Variants in TRIP12 observed in about 807,000 individuals in gnomAD.
TRIP12 encodes E3 ubiquitin-protein ligase TRIP12.
TRIP12 carries 25 observed loss-of-function variants against 244.2 expected under a neutral mutation model. The observed-to-expected ratio is 0.10, with a 90% CI of 0.07 to 0.14. The LOEUF (loss-of-function observed/expected upper bound fraction) is 0.14. Among genes scored for constraint, TRIP12 ranks in the 10% least tolerant of loss-of-function variants. The probability of loss-of-function intolerance (pLI) is 1.00; values close to 1 mark genes in which losing one functional copy is unlikely to be tolerated. For synonymous variants in TRIP12, 905 were observed against 873.1 expected (o/e 1.04, Z -0.64); for missense variants, 1,677 against 2,486.4 (o/e 0.67, Z 6.92).
chr2:229,767,628 A>T lies in TRIP12; in HGVS notation c.6130T>A (p.Ser2044Thr), dbSNP rs779019882. 1.9e-6 allele frequency: 3 copies of T among 1,614,190 alleles called. No homozygotes were observed. Among genetic ancestry groups the T allele is most frequent in the Middle Eastern group, 1.6e-4 (1 of 6,062 alleles). ...TTTTCACGCATTATCTCAATGCTTG[A>T]ATAGTCCGGCAACTTAAGATAGTTC... ...CVNYLKLPDY[S>T]SIEIMREKLL... The change falls in exon 42 of 42, where the codon TCA becomes ACA. Residue 2044 changes from serine to threonine, a missense_variant. Ser to Thr is a moderately conservative substitution (Grantham distance 58). Transcript: ENST00000675903.
intron 1 of TRIP12, among the ~76,000 whole-genome samples, chr2:229,884,041 G>A (rs2065422987): frequency 6.6e-6 from 1 of 151,402 alleles, no homozygotes; most frequent in African/African-American, 2.4e-5. Context: ...AACTCAGGGG[G>A]CAGAGGTTGC....
intron 39 of TRIP12, 130 bp from the exon 40 acceptor site, chr2:229,769,455 TC>T: frequency 1.9e-5 from 8 of 424,114 alleles, no homozygotes; most frequent in South Asian, 9.6e-5. Context: ...GGGACCTCTT[TC>T]CAAAAAAAAA....
chr2:229,874,152 C>T (rs1024868622), intron 2 of TRIP12, among the ~76,000 whole-genome samples: 1 of 151,796 alleles, frequency 6.6e-6, no homozygotes, highest in African/African-American at 2.4e-5. Flanking sequence ...AGACAAAAGA[C>T]GCTAACAAAC....
Position 229,819,246 on chromosome 2 carries a change from A to T in TRIP12, c.1451-734T>A, listed in dbSNP as rs73099289. On this transcript the variant is annotated intron_variant, in intron 8 of 41. Coordinates refer to ENST00000675903, the MANE Select transcript of TRIP12 (RefSeq NM_001348323.3). ...GTCATTAAGCTAAACAATACACTCC[A>T]AAATAAAGTCTAGAGAGGCTGGGTG... Among the ~76,000 whole-genome samples, 674 of 152,272 alleles carry T rather than the reference A, an allele frequency of 4.4e-3. 6 individuals are homozygous for T. Among genetic ancestry groups the T allele is most frequent in the African/African-American group, 0.016 (653 of 41,554 alleles).
In TRIP12 at chr2:229,859,385, C is replaced by T. The variant is rs1034710166; in HGVS notation, c.414G>A (p.Gln138=). The T allele has an allele frequency of 6.2e-7, 1 of 1,614,170 alleles. No individual in the cohort carries two copies. Among genetic ancestry groups the T allele is most frequent in the Non-Finnish European group, 8.5e-7 (1 of 1,180,036 alleles). Residue 138 remains glutamine (Q), a synonymous_variant, in exon 4 of 42, where the codon CAG becomes CAA. Coordinates refer to ENST00000675903, the MANE Select transcript of TRIP12 (RefSeq NM_001348323.3). ...TTGTTTCTGAGGGAGATTCAGTATG[C>T]TGAAGTGCTTTTGGTTTTTTTGCAG... The part of the protein sequence containing the change: ...PSSAKKPKAL[Q]HTESPSETNK...
rs2048214706 is a variant in TRIP12 at position 229,815,265 on chromosome 2, A to G, written c.1635+8T>C. The G allele has an allele frequency of 3.3e-6, 5 of 1,494,382 alleles. No homozygotes were observed. Among genetic ancestry groups the G allele is most frequent in the Non-Finnish European group, 4.6e-6 (5 of 1,078,142 alleles). The allele number at this position is 1,494,382 out of a possible 1,614,324, so 92.6% of individuals were successfully genotyped here. ...ATACACCATTAAAAAAATACAATAT[A>G]TACTTACAATATCAAAATTGTGCTC... On this transcript the variant is annotated splice_region_variant and intron_variant, in intron 10 of 41. Transcript: ENST00000675903.
At chr2:229,792,601 C>T (rs990073235) in intron 27 of TRIP12, among the ~76,000 whole-genome samples, 3 of 152,120 alleles carry the variant, frequency 2.0e-5, no homozygotes, top group Non-Finnish European at 4.4e-5. Flanking sequence ...GCGATGTTCA[C>T]GGCAACAATC....
chr2:229,910,160 AGATT>A (rs1224640803), intron 1 of TRIP12, among the ~76,000 whole-genome samples: 1 of 152,224 alleles, frequency 6.6e-6, no homozygotes, highest in Non-Finnish European at 1.5e-5. Flanking sequence ...AACTATAGAT[AGATT>A]AAGCCATTCC....
chr2:229,827,443 A>G (rs1388962429), intron 8 of TRIP12, among the ~76,000 whole-genome samples: 2 of 152,132 alleles, frequency 1.3e-5, no homozygotes, highest in Admixed American at 6.5e-5. Flanking sequence ...ATAGAGTATA[A>G]GCTTTTTCCT....
rs2037097225 is a variant in TRIP12, at chr2:229,778,688, G to A, written c.5210-101C>T. On this transcript the variant is annotated intron_variant, in intron 35 of 41. Transcript: ENST00000675903. The surrounding 1 kb of genome is among the most constrained non-coding windows in gnomAD (Gnocchi z 4.1). Reference sequence around the variant, plus strand: ...TAAGAAATTAAGCATTCTCAAAATTGGAGTGCAGATCACTGAATGAAGTCC... The same window carrying A: ...TAAGAAATTAAGCATTCTCAAAATTAGAGTGCAGATCACTGAATGAAGTCC... The A allele has an allele frequency of 4.7e-6, 7 of 1,501,466 alleles. No individual in the cohort carries two copies. Among genetic ancestry groups the A allele is most frequent in the Non-Finnish European group, 6.3e-6 (7 of 1,112,376 alleles). 93.0% of individuals were successfully genotyped at this position (1,501,466 alleles called of 1,614,324 possible). A position where few individuals can be genotyped will look rare whatever the true frequency, so the allele number is the denominator to read the frequency against.
intron 1 of TRIP12, among the ~76,000 whole-genome samples, chr2:229,882,309 A>G (rs1210987664): frequency 6.6e-6 from 1 of 152,232 alleles, no homozygotes; most frequent in African/African-American, 2.4e-5. Flanking sequence ...AGGCTTCACC[A>G]TAAAAATCAC....
intron 1 of TRIP12, among the ~76,000 whole-genome samples, chr2:229,887,855 T>C (rs2066392424): frequency 6.6e-6 from 1 of 152,208 alleles, no homozygotes; most frequent in South Asian, 2.1e-4. Context: ...TAATCAGGGG[T>C]TCAGACATTA....
intron 2 of TRIP12, among the ~76,000 whole-genome samples, chr2:229,872,127 A>G (rs1351606029): frequency 6.7e-6 from 1 of 148,346 alleles, no homozygotes; most frequent in African/African-American, 2.5e-5. Flanking sequence ...AAAAAAAAAA[A>G]AAAAAGAAGC....
Position 229,795,291 on chromosome 2 carries a change from C to T in TRIP12, c.3856G>A (p.Gly1286Ser), listed in dbSNP as rs759865228. 5 of 1,613,786 alleles carry T rather than the reference C, an allele frequency of 3.1e-6. No individual in the cohort carries two copies. Among genetic ancestry groups the T allele is most frequent in the Non-Finnish European group, 4.2e-6 (5 of 1,179,856 alleles). Reference protein sequence around the residue: ...EEPIGRVEPVGNAPLLALVHK... With the variant: ...EEPIGRVEPVSNAPLLALVHK... ...ACTAATGCCAACAAAGGTGCATTAC[C>T]CACTGGTTCCACTCTTCCAATGGGC... The change falls in exon 26 of 42, where the codon GGT becomes AGT. Residue 1286 changes from glycine to serine, a missense_variant. This residue lies in a region of TRIP12 where 77 missense variants were observed against 69.2 expected (regional missense o/e 1.11). Coordinates refer to ENST00000675903, the MANE Select transcript of TRIP12 (RefSeq NM_001348323.3).
chr2:229,881,129 G>A (rs2064778590), intron 1 of TRIP12, among the ~76,000 whole-genome samples: 1 of 152,148 alleles, frequency 6.6e-6, no homozygotes, highest in South Asian at 2.1e-4. Context: ...TTTAAAACCA[G>A]TACGTTACCT....
At position 229,795,315 on chromosome 2, in the gene TRIP12, G is replaced by C; in HGVS notation, c.3832C>G (p.Pro1278Ala). 6.2e-7 allele frequency: 1 copy of C among 1,612,754 alleles called. No individual in the cohort carries two copies. The highest frequency in any genetic ancestry group is 8.5e-7 in the Non-Finnish European group (1 of 1,179,336). Residue 1278 changes from proline to alanine, a missense_variant, in exon 26 of 42, where the codon CCC becomes GCC. Physicochemically the swap from Pro to Ala is conservative, Grantham distance 27. Around this residue, in one of 11 missense-constraint regions of TRIP12, gnomAD observed 77 missense variants for 69.2 expected, o/e 1.11. Coordinates refer to ENST00000675903, the MANE Select transcript of TRIP12 (RefSeq NM_001348323.3). ...CCCACTGGTTCCACTCTTCCAATGG[G>C]CTCTTCTCCAGGAAGCTAAAGTTAT... is the stretch of plus-strand genomic sequence containing the variant. The part of the protein sequence containing the change: ...FFSSPLPGEE[P>A]IGRVEPVGNA...
In TRIP12 at chr2:229,791,934, T is replaced by G. The variant is rs1324210839; in HGVS notation, c.4347A>C (p.Arg1449Ser). Residue 1449 changes from arginine (R) to serine (S), a missense_variant, in exon 29 of 42, where the codon AGA becomes AGC. This residue lies in a region of TRIP12 where 265 missense variants were observed against 370.8 expected (regional missense o/e 0.71). Transcript: ENST00000675903. ...GATTGCTCTCATCATCTGTGGATTC[T>G]CTTTCATCTTCAGCCTGTATACTAA... ...RQFSIQAEDE[R>S]ESTDDESNPL... The G allele has an allele frequency of 5.0e-6, 8 of 1,614,156 alleles. No homozygotes were observed. The highest frequency in any genetic ancestry group is 6.8e-6 in the Non-Finnish European group (8 of 1,179,992).
intron 40 of TRIP12, 34 bp downstream of exon 40, chr2:229,769,197 A>G: frequency 6.3e-7 from 1 of 1,589,288 alleles, no homozygotes. Context: ...ATTCTTCAGA[A>G]TCAACAGAAA....
At chr2:229,853,952 AT>A (rs966928438) in intron 4 of TRIP12, among the ~76,000 whole-genome samples, 13 of 152,130 alleles carry the variant, frequency 8.5e-5, no homozygotes, top group African/African-American at 3.1e-4. Context: ...TAATATTGAC[AT>A]TTTTGTTTTC....
Sources: gnomAD v4.1 joint callset for allele counts (sites outside exome capture counted in the v4.1 genomes callset) on GRCh38, gnomAD v4.1.1 for gene constraint, gnomAD v4.1.1 regional missense constraint, Gnocchi (gnomAD v3.1) non-coding constraint, MANE v1.5 for transcripts, NCBI Gene and HGNC (gene_info 2026-07-23, HGNC 2026-07-21) for gene names.